Variants in SIK3 observed in about 807,000 individuals in gnomAD.
The protein encoded by SIK3 is SIK family kinase 3.
A neutral mutation model predicts 144.2 loss-of-function variants in SIK3; 28 were observed. The ratio of observed to expected loss-of-function variants is 0.19; its 90% confidence interval spans 0.14 to 0.27. The LOEUF (loss-of-function observed/expected upper bound fraction) is 0.27, where lower values mean the gene tolerates loss of function less well. Among genes scored for constraint, SIK3 ranks in the 10% least tolerant of loss-of-function variants. The pLI is 1.00. For missense variants in SIK3, 1,319 were observed against 1,776.0 expected (o/e 0.74, Z 4.62); for synonymous variants, 686 against 676.3 (o/e 1.01, Z -0.22).
intron 3 of SIK3, among the ~76,000 whole-genome samples, chr11:116,935,847 A>C (rs1591366509): frequency 6.6e-6 from 1 of 152,362 alleles, no homozygotes; most frequent in East Asian, 1.9e-4. Context: ...TTTATGTAGC[A>C]TGAGATGGTA....
At chr11:116,881,168 AG>A (rs1944528468) in intron 6 of SIK3, among the ~76,000 whole-genome samples, 1 of 152,094 alleles carries the variant, frequency 6.6e-6, no homozygotes, top group African/African-American at 2.4e-5. Context: ...AAAAAATAAA[AG>A]GGCCCCATTA....
intron 1 of SIK3, among the ~76,000 whole-genome samples, chr11:117,085,923 C>T (rs547808946): frequency 6.6e-6 from 1 of 152,258 alleles, no homozygotes; most frequent in African/African-American, 2.4e-5. Context: ...ACTGCACTTC[C>T]AGCCTGGGCG....
chr11:116,904,475 C>CT (rs1254495830), intron 4 of SIK3, among the ~76,000 whole-genome samples: 6 of 151,096 alleles, frequency 4.0e-5, no homozygotes, highest in African/African-American at 9.7e-5. Flanking sequence ...TTTTTCTTTC[C>CT]TTTTTTTTTC....
intron 3 of SIK3, among the ~76,000 whole-genome samples, chr11:116,929,076 C>T (rs777455326): frequency 2.6e-5 from 4 of 152,108 alleles, no homozygotes; most frequent in East Asian, 3.9e-4. Context: ...TTAAACAACA[C>T]GAAGTCCAAA....
At chr11:117,094,654 T>C (rs1955391640) in intron 1 of SIK3, among the ~76,000 whole-genome samples, 1 of 152,096 alleles carries the variant, frequency 6.6e-6, no homozygotes. Context: ...CTATCTACTC[T>C]TTGTTCCCAA....
At chr11:116,928,413 A>G (rs1947403146) in intron 3 of SIK3, among the ~76,000 whole-genome samples, 2 of 152,244 alleles carry the variant, frequency 1.3e-5, no homozygotes, top group African/African-American at 4.8e-5. Flanking sequence ...GGAAAAGGAC[A>G]TATTTGCCAT....
intron 1 of SIK3, among the ~76,000 whole-genome samples, chr11:117,052,617 A>T (rs754657385): frequency 1.3e-5 from 2 of 152,232 alleles, no homozygotes; most frequent in South Asian, 4.1e-4. Context: ...TATTATCCCC[A>T]ACAAAACAAA....
At chr11:116,986,670 T>G (rs1014016966) in intron 1 of SIK3, among the ~76,000 whole-genome samples, 1 of 152,186 alleles carries the variant, frequency 6.6e-6, no homozygotes, top group Non-Finnish European at 1.5e-5. Context: ...AAGTACCAAG[T>G]AAGTGTTAGT....
At position 117,055,528 on chromosome 11, in the gene SIK3, G is replaced by C. The variant is rs537799645; in HGVS notation, c.273+42615C>G. On this transcript the variant is annotated intron_variant, in intron 1 of 24. Transcript: ENST00000445177. ...TCTCTCTGGTTTGGATGAGGGAACA[G>C]AAGAGAAGGTGGGGCTACAGGTGGG... Among the ~76,000 whole-genome samples, 19 of 152,348 alleles carry C rather than the reference G, an allele frequency of 1.2e-4. No homozygotes were observed. In the East Asian group the frequency reaches 3.1e-3, roughly 25 times the overall value.
chr11:116,876,393 C>A (rs752809142), intron 7 of SIK3, 30 bp from the exon 8 acceptor site: 1 of 1,537,098 alleles, frequency 6.5e-7, no homozygotes, highest in South Asian at 1.1e-5. Flanking sequence ...AAGCTGTCAA[C>A]CCCCCAATTA....
chr11:116,925,353 G>A (rs898463428), intron 4 of SIK3, among the ~76,000 whole-genome samples: 8 of 152,228 alleles, frequency 5.3e-5, no homozygotes, highest in African/African-American at 1.9e-4. Context: ...AAGCAGGAGG[G>A]TCGGAATTAG....
At chr11:116,864,123 T>G in intron 15 of SIK3, 1 of 222,848 alleles carries the variant, frequency 4.5e-6, no homozygotes, top group Non-Finnish European at 8.9e-6. Flanking sequence ...GAAAAGCTTC[T>G]CAATATCCTC....
At chr11:116,957,619 A>G (rs1375565175) in intron 1 of SIK3, among the ~76,000 whole-genome samples, 1 of 152,134 alleles carries the variant, frequency 6.6e-6, no homozygotes, top group East Asian at 1.9e-4. Flanking sequence ...CATATACGAA[A>G]TGTTTACTAT....
At chr11:116,982,288 GA>G (rs1950166228) in intron 1 of SIK3, among the ~76,000 whole-genome samples, 1 of 146,456 alleles carries the variant, frequency 6.8e-6, no homozygotes, top group African/African-American at 2.5e-5. Flanking sequence ...CTTATGAAAT[GA>G]TGCTTTTTTT....
intron 4 of SIK3, among the ~76,000 whole-genome samples, chr11:116,915,023 A>G (rs959588009): frequency 1.3e-5 from 2 of 152,222 alleles, no homozygotes; most frequent in African/African-American, 4.8e-5. Flanking sequence ...AGACAAATTC[A>G]TATTATCCCA....
intron 3 of SIK3, among the ~76,000 whole-genome samples, chr11:116,946,944 T>C (rs1183317478): frequency 6.6e-6 from 1 of 151,182 alleles, no homozygotes; most frequent in Non-Finnish European, 1.5e-5. Flanking sequence ...TGAAAACCCA[T>C]CTCTACTAAA....
chr11:117,050,238 G>A (rs1178519168), intron 1 of SIK3, among the ~76,000 whole-genome samples: 1 of 151,594 alleles, frequency 6.6e-6, no homozygotes, highest in Non-Finnish European at 1.5e-5. Flanking sequence ...GCAGTGAGCT[G>A]AGATCGCGCC....
chr11:116,916,516 T>TC (rs1250257761), intron 4 of SIK3, among the ~76,000 whole-genome samples: 2 of 151,302 alleles, frequency 1.3e-5, no homozygotes, highest in African/African-American at 4.9e-5. Context: ...CATCAAATTT[T>TC]TTTTTTTTTT....
chr11:116,890,210 A>G (rs1054580221), intron 6 of SIK3, among the ~76,000 whole-genome samples: 3 of 152,210 alleles, frequency 2.0e-5, no homozygotes, highest in African/African-American at 4.8e-5. Context: ...AGAATTACAG[A>G]AAGAGAATGA....
Sources: gnomAD v4.1 joint callset for allele counts (sites outside exome capture counted in the v4.1 genomes callset) on GRCh38, gnomAD v4.1.1 for gene constraint, MANE v1.5 for transcripts, NCBI Gene and HGNC (gene_info 2026-07-23, HGNC 2026-07-21) for gene names.